MTHFD2: variants seen among roughly 807,000 people sequenced by gnomAD.
MTHFD2 encodes the protein methylenetetrahydrofolate dehydrogenase (NADP+ dependent) 2, methenyltetrahydrofolate cyclohydrolase, also known as bifunctional methylenetetrahydrofolate dehydrogenase/cyclohydrolase, mitochondrial.
A neutral mutation model predicts 36.8 loss-of-function variants in MTHFD2; 26 were observed. That is an observed-to-expected ratio of 0.71 (90% CI 0.52 to 0.98). MTHFD2 has a LOEUF of 0.98. Among genes scored for constraint, MTHFD2 ranks in the 50% least tolerant of loss-of-function variants. The pLI is 0.00. For missense variants in MTHFD2, 373 were observed against 434.0 expected, an observed-to-expected ratio of 0.86 and a Z score of 1.25; for synonymous variants, 164 against 155.2, an observed-to-expected ratio of 1.06 and a Z score of -0.42.
chr2:74,217,229 A>C lies in MTHFD2; in HGVS notation c.*2987A>C, dbSNP rs1269887229. ...ACCTCAAGGTTCAAGTGATTTACTC[A>C]AGGTTTAAATCATAGTTGTTTTGGA... On this transcript the variant is annotated 3_prime_UTR_variant, in exon 8 of 8. Coordinates refer to ENST00000394053, the MANE Select transcript of MTHFD2 (RefSeq NM_006636.4). 1 of 152,200 alleles carries C rather than the reference A, an allele frequency of 6.6e-6. No homozygotes were observed. The highest frequency in any genetic ancestry group is 1.5e-5 in the Non-Finnish European group (1 of 68,022). The allele number at this position is 152,200 out of a possible 1,614,324, so 9.4% of individuals were successfully genotyped here.
intron 7 of MTHFD2, among the ~76,000 whole-genome samples, chr2:74,213,632 C>G (rs953421074): frequency 2.6e-5 from 4 of 152,148 alleles, no homozygotes; most frequent in Admixed American, 2.6e-4. Flanking sequence ...TTTATTAAAG[C>G]AGTCAAACCC....
At chr2:74,205,923 A>C in intron 2 of MTHFD2, 34 bp downstream of exon 2, 1 of 1,597,186 alleles carries the variant, frequency 6.3e-7, no homozygotes. Flanking sequence ...ACTGCGGTTC[A>C]GTTGAGGTTT....
chr2:74,198,780 G>A (rs763227410), intron 1 of MTHFD2, 38 bp downstream of exon 1: 2 of 1,531,446 alleles, frequency 1.3e-6, no homozygotes, highest in Admixed American at 1.9e-5. Context: ...GCGGAAAGCT[G>A]AGGGGAACGG....
chr2:74,205,873 G>A lies in MTHFD2; in HGVS notation c.270G>A (p.Arg90=), dbSNP rs1489579853. 1 of 1,613,464 alleles carries A rather than the reference G, an allele frequency of 6.2e-7. No homozygotes were observed. The highest frequency in any genetic ancestry group is 1.1e-5 in the South Asian group (1 of 91,062). The part of the protein sequence containing the change: ...ASHSYVLNKT[R]AAAVVGINSE... Reference sequence around the variant, plus strand: ...ACTCCTATGTCCTCAACAAAACCAGGGCAGCTGCAGTTGTGGGTATGTGTC... The same window carrying A: ...ACTCCTATGTCCTCAACAAAACCAGAGCAGCTGCAGTTGTGGGTATGTGTC... The change falls in exon 2 of 8, where the codon AGG becomes AGA. Residue 90 remains arginine (R), a synonymous_variant. Coordinates refer to ENST00000394053, the MANE Select transcript of MTHFD2 (RefSeq NM_006636.4).
intron 1 of MTHFD2, among the ~76,000 whole-genome samples, chr2:74,201,197 A>G (rs1383630523): frequency 1.3e-5 from 2 of 152,060 alleles, no homozygotes; most frequent in Non-Finnish European, 1.5e-5. Context: ...CATGTTGGCC[A>G]GGCTGGTCTC....
At chr2:74,202,413 G>C (rs17009735) in intron 1 of MTHFD2, among the ~76,000 whole-genome samples, 10,041 of 152,182 alleles carry the variant, frequency 0.066, 538 homozygotes, top group African/African-American at 0.14. Context: ...TCCAGGATTA[G>C]GAATGTATTT....
chr2:74,205,998 A>C lies in MTHFD2; in HGVS notation c.286+109A>C. ...TCTGATTAGGAAACCCAAGCAGAGG[A>C]GGCTAATGTGATTGAACTGTATCCC... On this transcript the variant is annotated intron_variant, in intron 2 of 7. Transcript: ENST00000394053. 4 of 1,187,300 alleles carry C rather than the reference A, an allele frequency of 3.4e-6. No homozygotes were observed. The South Asian group carries it at 4.5e-5, about 13-fold the overall frequency. 73.5% of individuals were successfully genotyped at this position (1,187,300 alleles called of 1,614,324 possible).
intron 5 of MTHFD2, 48 bp downstream of exon 5, chr2:74,210,097 G>C: frequency 1.4e-6 from 2 of 1,472,036 alleles, no homozygotes; most frequent in Non-Finnish European, 1.9e-6. Context: ...CCCCATGTAA[G>C]AACTTTCAGA....
At position 74,217,259 on chromosome 2, in the gene MTHFD2, G is replaced by T. The variant is rs1287940550; in HGVS notation, c.*3017G>T. 6.6e-6 allele frequency: 1 copy of T among 152,214 alleles called. No homozygotes were observed. Among genetic ancestry groups the T allele is most frequent in the Non-Finnish European group, 1.5e-5 (1 of 68,036 alleles). The allele number at this position is 152,214 out of a possible 1,614,324, so 9.4% of individuals were successfully genotyped here. ...TTAAATCATAGTTGTTTTGGAGAAA[G>T]TAAGTGTCAGATGCACTGTGGCTGT... On this transcript the variant is annotated 3_prime_UTR_variant, in exon 8 of 8. Transcript: ENST00000394053.
chr2:74,211,607 G>A, intron 6 of MTHFD2, 134 bp from the exon 7 acceptor site: 1 of 850,014 alleles, frequency 1.2e-6, no homozygotes. Context: ...TAGTTCCTTA[G>A]TTAATATTTT....
Position 74,198,630 on chromosome 2 carries a change from C to T in MTHFD2, c.-12C>T. ...GCGCGCTTCCCTCCCGGCGCAGTCACCGGCGCGGTCTATGGCTGCGACTTC... is the reference window on the plus strand; with the variant it reads ...GCGCGCTTCCCTCCCGGCGCAGTCATCGGCGCGGTCTATGGCTGCGACTTC... On this transcript the variant is annotated 5_prime_UTR_variant, in exon 1 of 8. Transcript: ENST00000394053. The T allele has an allele frequency of 6.3e-7, 1 of 1,594,574 alleles. No homozygotes were observed.
chr2:74,207,879 T>C (rs1694218158), intron 3 of MTHFD2, 53 bp downstream of exon 3: 5 of 1,511,452 alleles, frequency 3.3e-6, no homozygotes, highest in Non-Finnish European at 4.5e-6. Context: ...CTCCTTTCCC[T>C]CTCCCTCCCT....
At chr2:74,199,867 T>C (rs1694003032) in intron 1 of MTHFD2, among the ~76,000 whole-genome samples, 1 of 152,208 alleles carries the variant, frequency 6.6e-6, no homozygotes, top group Non-Finnish European at 1.5e-5. Flanking sequence ...ATTAGAGCGC[T>C]GGCATTGTTG....
rs777983534 is a variant in MTHFD2 at position 74,214,104 on chromosome 2, C to G, written c.915C>G (p.Ile305Met). The change falls in exon 8 of 8, where the codon ATC becomes ATG. Residue 305 changes from isoleucine (I) to methionine (M), a missense_variant. Around this residue, in one of 2 missense-constraint regions of MTHFD2, gnomAD observed 308 missense variants for 397.8 expected, o/e 0.77. Transcript: ENST00000394053. Reference sequence around the variant, plus strand: ...GAGTCAGACAAAAAGCTGGGTATATCACTCCAGTTCCTGGAGGTGTTGGCC... The same window carrying G: ...GAGTCAGACAAAAAGCTGGGTATATGACTCCAGTTCCTGGAGGTGTTGGCC... ...FEGVRQKAGY[I>M]TPVPGGVGPM... 1.2e-6 allele frequency: 2 copies of G among 1,613,972 alleles called. No homozygotes were observed. Among genetic ancestry groups the G allele is most frequent in the Non-Finnish European group, 1.7e-6 (2 of 1,179,918 alleles).
chr2:74,212,896 T>G (rs968944658), intron 7 of MTHFD2, among the ~76,000 whole-genome samples: 8 of 140,124 alleles, frequency 5.7e-5, no homozygotes, highest in African/African-American at 2.2e-4. Flanking sequence ...AGTAGATTTC[T>G]TCTTTCAGTT....
intron 1 of MTHFD2, among the ~76,000 whole-genome samples, chr2:74,199,196 G>A (rs1693980067): frequency 2.0e-5 from 3 of 152,212 alleles, no homozygotes; most frequent in African/African-American, 7.2e-5. Flanking sequence ...CCTAGCGGCG[G>A]AGGGCGCTGC....
At chr2:74,212,909 G>GT (rs34811101) in intron 7 of MTHFD2, among the ~76,000 whole-genome samples, 62,089 of 147,734 alleles carry the variant, frequency 0.42, 13,233 homozygotes, top group Middle Eastern at 0.5. Flanking sequence ...TTTCAGTTCT[G>GT]TTTTTTTTTT....
At chr2:74,212,939 C>T (rs529558032) in intron 7 of MTHFD2, among the ~76,000 whole-genome samples, 13 of 151,618 alleles carry the variant, frequency 8.6e-5, no homozygotes, top group Non-Finnish European at 1.5e-4. Context: ...GAGTCTCACT[C>T]TGTTGCCCAG....
At position 74,214,398 on chromosome 2, in the gene MTHFD2, A is replaced by G. The variant is rs1694383766; in HGVS notation, c.*156A>G. ...CTTAAATGGGTGGGTGTTTCTGCAC[A>G]TACCTCTGCAGTACCTCACCAGGGA... On this transcript the variant is annotated 3_prime_UTR_variant, in exon 8 of 8. Transcript: ENST00000394053. The G allele has an allele frequency of 2.7e-6, 2 of 742,876 alleles. No homozygotes were observed. Among genetic ancestry groups the G allele is most frequent in the Non-Finnish European group, 4.2e-6 (2 of 481,328 alleles). The allele number at this position is 742,876 out of a possible 1,614,324, so 46.0% of individuals were successfully genotyped here.
Sources: gnomAD v4.1 joint callset for allele counts (sites outside exome capture counted in the v4.1 genomes callset) on GRCh38, gnomAD v4.1.1 for gene constraint, gnomAD v4.1.1 regional missense constraint, MANE v1.5 for transcripts, NCBI Gene and HGNC (gene_info 2026-07-23, HGNC 2026-07-21) for gene names.